Variants in TMEM164 observed in about 807,000 individuals in gnomAD.
TMEM164 encodes the protein RP13-360B22.2.
In TMEM164, 4 loss-of-function variants were observed where a neutral mutation model predicts 18.8. The observed-to-expected ratio is 0.21, with a 90% CI of 0.10 to 0.49. The LOEUF (loss-of-function observed/expected upper bound fraction) is 0.49, where lower values mean the gene tolerates loss of function less well. TMEM164 is among the 20% of genes least tolerant of loss of function. TMEM164 has a pLI of 0.98. For missense variants in TMEM164, 108 were observed against 239.9 expected (o/e 0.45, Z 3.63); for synonymous variants, 86 against 101.7 (o/e 0.85, Z 0.93).
Position 110,066,367 on chromosome X carries a change from C to G in TMEM164, c.391-980C>G, listed in dbSNP as rs1287659310. ...AGTCACTACAGGTGAAGAAACTCTA[C>G]AAACATGAGTTTCATTCCTTTGTCA... On this transcript the variant is annotated intron_variant, in intron 2 of 6. Transcript: ENST00000372068. Among the ~76,000 whole-genome samples, 5 of 112,176 alleles carry G rather than the reference C, an allele frequency of 4.5e-5. No homozygotes were observed. The East Asian group carries it at 1.4e-3, about 31-fold the overall frequency.
chrX:110,110,178 A>G (rs1162934860), intron 4 of TMEM164, among the ~76,000 whole-genome samples: 2 of 111,243 alleles, frequency 1.8e-5, no homozygotes, highest in African/African-American at 6.5e-5. Context: ...GATCACAGCT[A>G]TGCTTTGCTC....
At chrX:110,055,379 A>T in intron 2 of TMEM164, 2 of 363,316 alleles carry the variant, frequency 5.5e-6, no homozygotes, top group Non-Finnish European at 1.1e-5. Context: ...ATTCACATAG[A>T]CTATAATTGA....
chrX:110,038,449 G>A (rs1934946985), intron 2 of TMEM164, among the ~76,000 whole-genome samples: 1 of 111,303 alleles, frequency 9.0e-6, no homozygotes, highest in Non-Finnish European at 1.9e-5. Flanking sequence ...GTCCAGCTGA[G>A]GAACAGCCTC....
intron 4 of TMEM164, among the ~76,000 whole-genome samples, chrX:110,141,483 A>G (rs1176786577): frequency 2.7e-5 from 3 of 112,085 alleles, no homozygotes; most frequent in Non-Finnish European, 5.6e-5. Flanking sequence ...CACGTCTTAC[A>G]TGGTGGCAGG....
At chrX:110,112,062 A>G (rs2066297744) in intron 4 of TMEM164, among the ~76,000 whole-genome samples, 1 of 110,677 alleles carries the variant, frequency 9.0e-6, no homozygotes, top group African/African-American at 3.3e-5. Context: ...TTTAAAAATC[A>G]GCTGAGCCTG....
intron 4 of TMEM164, among the ~76,000 whole-genome samples, chrX:110,125,341 A>G (rs181646643): frequency 9.0e-6 from 1 of 111,666 alleles, no homozygotes; most frequent in Admixed American, 9.5e-5. Context: ...AGGAATAACG[A>G]CAAAAACAAA....
intron 6 of TMEM164, among the ~76,000 whole-genome samples, chrX:110,172,899 G>A (rs1272205516): frequency 8.9e-6 from 1 of 112,025 alleles, no homozygotes; most frequent in Non-Finnish European, 1.9e-5. Flanking sequence ...GTGGAGGCAG[G>A]GCCCACGCTG....
downstream of TMEM164, chrX:110,182,737 C>A (rs1277001818): frequency 8.9e-6 from 1 of 111,948 alleles, no homozygotes; most frequent in African/African-American, 3.3e-5. Flanking sequence ...GGTAGTAAGC[C>A]TTTCAAGGAA....
At chrX:110,058,676 C>G (rs766036476) in intron 2 of TMEM164, among the ~76,000 whole-genome samples, 1 of 98,248 alleles carries the variant, frequency 1.0e-5, no homozygotes, top group South Asian at 5.2e-4. Context: ...GGTGTGATCT[C>G]AGCTCACTGC....
chrX:110,080,296 C>T (rs2065734401), intron 3 of TMEM164, among the ~76,000 whole-genome samples: 1 of 111,651 alleles, frequency 9.0e-6, no homozygotes, highest in Admixed American at 9.6e-5. Flanking sequence ...TATGTATTTC[C>T]CATTAACTTA....
intron 4 of TMEM164, among the ~76,000 whole-genome samples, chrX:110,111,478 G>A (rs749812114): frequency 3.2e-4 from 36 of 112,031 alleles, no homozygotes; most frequent in Non-Finnish European, 5.8e-4. Flanking sequence ...AAGTCAGGCA[G>A]ATAGAGAGCT....
chrX:110,091,021 T>C (rs748186199), intron 3 of TMEM164, among the ~76,000 whole-genome samples: 10 of 111,548 alleles, frequency 9.0e-5, no homozygotes, highest in African/African-American at 2.6e-4. Flanking sequence ...TCCATGTCCC[T>C]ACAAAGGACA....
chrX:110,169,317 A>G (rs1405851111), intron 5 of TMEM164, among the ~76,000 whole-genome samples: 2 of 111,095 alleles, frequency 1.8e-5, no homozygotes, highest in African/African-American at 3.3e-5. Context: ...GTTTTCCAAG[A>G]TCCTTCCTCT....
At chrX:110,044,622 T>A (rs762014358) in intron 2 of TMEM164, among the ~76,000 whole-genome samples, 4 of 46,068 alleles carry the variant, frequency 8.7e-5, no homozygotes, top group Non-Finnish European at 1.2e-4. Context: ...TTTTTTTTTT[T>A]ACTTTTTTTC....
chrX:110,027,183 T>C (rs968781771), intron 2 of TMEM164, among the ~76,000 whole-genome samples: 7 of 111,375 alleles, frequency 6.3e-5, no homozygotes, highest in African/African-American at 2.3e-4. Context: ...TTTTTGTTGG[T>C]ATTATTTATT....
chrX:110,097,835 T>G (rs970980877), intron 3 of TMEM164, among the ~76,000 whole-genome samples: 11 of 112,566 alleles, frequency 9.8e-5, no homozygotes, highest in African/African-American at 3.2e-4. Context: ...CTCAGAATCC[T>G]GGATCACTTA....
At chrX:110,070,185 A>G (rs1230130110) in intron 3 of TMEM164, among the ~76,000 whole-genome samples, 2 of 111,061 alleles carry the variant, frequency 1.8e-5, no homozygotes, top group Admixed American at 9.6e-5. Flanking sequence ...GCATGGTGGC[A>G]CATGCCTGTA....
At position 110,163,374 on chromosome X, in the gene TMEM164, A is replaced by G. The variant is rs899209719; in HGVS notation, c.587-8046A>G. Among the ~76,000 whole-genome samples the G allele has an allele frequency of 1.1e-3, 121 of 112,373 alleles. 4 individuals are homozygous for G. The highest frequency in any genetic ancestry group is 2.6e-4 in the Non-Finnish European group (14 of 53,308). On this transcript the variant is annotated intron_variant, in intron 5 of 6. Coordinates refer to ENST00000372068, the MANE Select transcript of TMEM164 (RefSeq NM_032227.4). ...TCTTACTTAACCCAGTATATCCAGT[A>G]TTTTATCATTCCAATATAATCAATA...
chrX:110,015,928 C>G (rs1296512133), intron 2 of TMEM164, among the ~76,000 whole-genome samples: 1 of 112,585 alleles, frequency 8.9e-6, no homozygotes, highest in Non-Finnish European at 1.9e-5. Flanking sequence ...GGCCAGTCAG[C>G]CAAGTGAACT....
Sources: allele counts gnomAD v4.1 joint callset (sites outside exome capture counted in the v4.1 genomes callset), GRCh38; gene constraint gnomAD v4.1.1; transcripts MANE v1.5; gene names NCBI Gene and HGNC (gene_info 2026-07-23, HGNC 2026-07-21).